Variants in MARCHF4 observed in about 807,000 individuals in gnomAD.
The protein encoded by MARCHF4 is E3 ubiquitin-protein ligase MARCHF4.
In MARCHF4, 14 loss-of-function variants were observed where a neutral mutation model predicts 43.9. The ratio of observed to expected loss-of-function variants is 0.32; its 90% CI spans 0.21 to 0.50. MARCHF4 has a LOEUF of 0.50. MARCHF4 is among the 20% of genes least tolerant of loss of function. The pLI is 0.98. For synonymous variants in MARCHF4, 226 were observed against 213.3 expected (o/e 1.06, Z -0.52); for missense variants, 468 against 536.7 (o/e 0.87, Z 1.27).
chr2:216,345,509 C>T (rs556425437), intron 1 of MARCHF4, among the ~76,000 whole-genome samples: 2 of 152,282 alleles, frequency 1.3e-5, no homozygotes, highest in African/African-American at 4.8e-5. Flanking sequence ...CCACTTCCCC[C>T]TTCCTGGGAT....
intron 1 of MARCHF4, among the ~76,000 whole-genome samples, chr2:216,365,737 G>C (rs919781655): frequency 6.6e-6 from 1 of 152,190 alleles, no homozygotes; most frequent in Admixed American, 6.5e-5. Flanking sequence ...TTTTAAACAT[G>C]CATCTCCTTC....
intron 2 of MARCHF4, among the ~76,000 whole-genome samples, chr2:216,280,089 G>A (rs1212340114): frequency 6.6e-6 from 1 of 152,086 alleles, no homozygotes; most frequent in African/African-American, 2.4e-5. Context: ...GAAGCGTGAC[G>A]AAGGAGCAGG....
At chr2:216,268,282 T>C (rs775041752) in intron 3 of MARCHF4, among the ~76,000 whole-genome samples, 6 of 151,994 alleles carry the variant, frequency 3.9e-5, no homozygotes, top group Non-Finnish European at 7.4e-5. Flanking sequence ...AGAGAGGGAG[T>C]AACTTGTCCA....
At chr2:216,331,776 C>T (rs943644175) in intron 1 of MARCHF4, among the ~76,000 whole-genome samples, 2 of 152,242 alleles carry the variant, frequency 1.3e-5, no homozygotes, top group East Asian at 1.9e-4. Context: ...TATTTTAACA[C>T]CCATGAATGA....
intron 1 of MARCHF4, among the ~76,000 whole-genome samples, chr2:216,354,943 CTT>C (rs1158663239): frequency 1.4e-5 from 2 of 139,424 alleles, no homozygotes; most frequent in South Asian, 4.9e-4. Context: ...TTCTTTCTTT[CTT>C]TCTTTCTTTC....
chr2:216,354,881 T>A (rs1692457786), intron 1 of MARCHF4, among the ~76,000 whole-genome samples: 1 of 152,184 alleles, frequency 6.6e-6, no homozygotes, highest in Non-Finnish European at 1.5e-5. Flanking sequence ...TGAAACTTAT[T>A]TAATAATTGT....
chr2:216,330,727 C>G (rs1692071011), intron 1 of MARCHF4, among the ~76,000 whole-genome samples: 1 of 151,942 alleles, frequency 6.6e-6, no homozygotes, highest in African/African-American at 2.4e-5. Flanking sequence ...TAAAATATCA[C>G]CGAATATTAA....
Position 216,358,561 on chromosome 2 carries a change from T to C in MARCHF4, c.516+11184A>G, listed in dbSNP as rs75050542. Among the ~76,000 whole-genome samples the C allele has an allele frequency of 9.6e-3, 1,467 of 152,252 alleles. 51 individuals carry two copies. In the East Asian group the frequency reaches 0.1, roughly 10 times the overall value. On this transcript the variant is annotated intron_variant, in intron 1 of 3. Coordinates refer to ENST00000273067, the MANE Select transcript of MARCHF4 (RefSeq NM_020814.3). ...AGCGTGGATATTCCAGAGCACAACCTCCTCTTTTTATAAAAGAGCAAATAA... is the reference window on the plus strand; with the variant it reads ...AGCGTGGATATTCCAGAGCACAACCCCCTCTTTTTATAAAAGAGCAAATAA...
At chr2:216,356,921 G>T (rs1473016451) in intron 1 of MARCHF4, among the ~76,000 whole-genome samples, 1 of 152,062 alleles carries the variant, frequency 6.6e-6, no homozygotes, top group African/African-American at 2.4e-5. Flanking sequence ...TACTAGGGAG[G>T]CTGATGGAGG....
intron 2 of MARCHF4, 136 bp downstream of exon 2, chr2:216,283,438 C>G (rs934712743): frequency 2.9e-6 from 3 of 1,025,488 alleles, no homozygotes; most frequent in African/African-American, 3.2e-5. Context: ...CGCCGCCCAC[C>G]GTGCTTGCCC....
chr2:216,267,899 C>T (rs531551002), intron 3 of MARCHF4, among the ~76,000 whole-genome samples: 1 of 152,360 alleles, frequency 6.6e-6, no homozygotes, highest in South Asian at 2.1e-4. Flanking sequence ...GACAGTGCAT[C>T]TGCTTCTAAA....
chr2:216,326,857 T>C (rs1053339477), intron 1 of MARCHF4, among the ~76,000 whole-genome samples: 17 of 151,842 alleles, frequency 1.1e-4, no homozygotes, highest in African/African-American at 3.9e-4. Context: ...ATATACCTAA[T>C]GCTAGATGAC....
chr2:216,325,662 T>A (rs1201923033), intron 1 of MARCHF4, among the ~76,000 whole-genome samples: 1 of 152,002 alleles, frequency 6.6e-6, no homozygotes, highest in East Asian at 1.9e-4. Context: ...GCCACATATC[T>A]ACAACTATCT....
chr2:216,359,123 A>T (rs1187219432), intron 1 of MARCHF4, among the ~76,000 whole-genome samples: 2 of 152,206 alleles, frequency 1.3e-5, no homozygotes, highest in Non-Finnish European at 2.9e-5. Flanking sequence ...CATTTCCTTC[A>T]TGTCAGAGCC....
At chr2:216,349,658 G>T (rs373657670) in intron 1 of MARCHF4, among the ~76,000 whole-genome samples, 3 of 152,164 alleles carry the variant, frequency 2.0e-5, no homozygotes, top group African/African-American at 4.8e-5. Context: ...GAGGCCTCAG[G>T]GGGGAAGAAT....
intron 1 of MARCHF4, among the ~76,000 whole-genome samples, chr2:216,291,426 T>C (rs1001081974): frequency 2.6e-5 from 4 of 152,090 alleles, no homozygotes; most frequent in Admixed American, 6.6e-5. Flanking sequence ...TGGTATAAAA[T>C]AGTCATCCAG....
chr2:216,369,659 AC>A, intron 1 of MARCHF4, 85 bp downstream of exon 1: 3 of 1,111,738 alleles, frequency 2.7e-6, no homozygotes, highest in Non-Finnish European at 2.6e-6. Context: ...AGACAATATA[AC>A]CGTTCCCCAG....
At chr2:216,298,719 A>T (rs977508273) in intron 1 of MARCHF4, among the ~76,000 whole-genome samples, 4 of 152,226 alleles carry the variant, frequency 2.6e-5, no homozygotes, top group Non-Finnish European at 5.9e-5. Context: ...TCATAACTAC[A>T]GCCCCTTCCC....
At chr2:216,293,342 G>A (rs547658657) in intron 1 of MARCHF4, among the ~76,000 whole-genome samples, 1 of 152,102 alleles carries the variant, frequency 6.6e-6, no homozygotes, top group African/African-American at 2.4e-5. Flanking sequence ...ATAAGGCATT[G>A]TTGCAAGATA....
Sources: gnomAD v4.1 joint callset for allele counts (sites outside exome capture counted in the v4.1 genomes callset) on GRCh38, gnomAD v4.1.1 for gene constraint, MANE v1.5 for transcripts, NCBI Gene and HGNC (gene_info 2026-07-23, HGNC 2026-07-21) for gene names.